The following SULT1E1 variants were observed in gnomAD, a reference collection of about 807,000 sequenced individuals.
SULT1E1 encodes sulfotransferase 1E1.
Under a neutral mutation model 33.6 loss-of-function variants are expected in SULT1E1, and 36 were observed. That is an observed-to-expected ratio of 1.07 (90% confidence interval 0.82 to 1.41). The LOEUF is 1.41. Among genes scored for constraint, SULT1E1 ranks in the 40% most tolerant of loss-of-function variants. The probability of loss-of-function intolerance (pLI) is 0.00; values close to 1 mark genes in which losing one functional copy is unlikely to be tolerated. For missense variants in SULT1E1, 371 were observed against 345.7 expected, an observed-to-expected ratio of 1.07 and a Z score of -0.58; for synonymous variants, 121 against 111.7, an observed-to-expected ratio of 1.08 and a Z score of -0.53.
the SULT1E1 span, among the ~76,000 whole-genome samples, chr4:69,826,785 A>G: frequency 6.6e-6 from 1 of 152,148 alleles, no homozygotes; most frequent in Admixed American, 6.5e-5. Context: ...AGGGAAGGCA[A>G]ATGGAGCAAA....
intron 4 of SULT1E1, among the ~76,000 whole-genome samples, chr4:69,853,147 T>A (rs945147077): frequency 6.6e-6 from 1 of 152,070 alleles, no homozygotes; most frequent in South Asian, 2.1e-4. Flanking sequence ...CTGGGATATA[T>A]CCCCTTTTTG....
chr4:69,857,579 A>G lies in SULT1E1; in HGVS notation c.66T>C (p.Asp22=). The G allele has an allele frequency of 6.2e-7, 1 of 1,613,458 alleles. No individual in the cohort carries two copies. Among genetic ancestry groups the G allele is most frequent in the Middle Eastern group, 1.7e-4 (1 of 6,050 alleles). Residue 22 remains aspartate, a synonymous_variant, in exon 2 of 8, where the codon GAT becomes GAC. Coordinates refer to ENST00000226444, the MANE Select transcript of SULT1E1 (RefSeq NM_005420.3). ...CCACATTATCCCAATATTTGACAAA[A>G]TCTTTATACATTAGAATCCCATGGA... ...EEVHGILMYK[D]FVKYWDNVEA... is the part of the protein sequence containing the mutation.
downstream of SULT1E1, chr4:69,838,539 G>A (rs1044327350): frequency 1.3e-5 from 2 of 152,172 alleles, no homozygotes; most frequent in Non-Finnish European, 2.9e-5. Flanking sequence ...CTTTTATGAC[G>A]CTGTACTTTT....
chr4:69,842,762 G>A (rs1189018727), intron 7 of SULT1E1, among the ~76,000 whole-genome samples: 1 of 151,866 alleles, frequency 6.6e-6, no homozygotes, highest in African/African-American at 2.4e-5. Flanking sequence ...AATTATAATA[G>A]TCCAGCAGGC....
chr4:69,854,281 C>A lies in SULT1E1; in HGVS notation c.305G>T (p.Arg102Ile). ...AGGTGGCAAATGAGTCTTCACAATT[C>A]TAGGAGAATTCATCTCATCTAATTG... ...VKQLDEMNSP[R>I]IVKTHLPPEL... The change falls in exon 4 of 8, where the codon AGA becomes ATA. Residue 102 changes from arginine to isoleucine, a missense_variant. By Grantham distance (97) the Arg-to-Ile change is moderately conservative. Coordinates refer to ENST00000226444, the MANE Select transcript of SULT1E1 (RefSeq NM_005420.3). The A allele has an allele frequency of 6.2e-7, 1 of 1,611,548 alleles. No homozygotes were observed. Among genetic ancestry groups the A allele is most frequent in the Non-Finnish European group, 8.5e-7 (1 of 1,178,438 alleles).
rs773693115 is a variant in SULT1E1, at chr4:69,842,147, A to C, written c.773-41T>G. The C allele has an allele frequency of 2.6e-6, 3 of 1,156,172 alleles. No individual in the cohort carries two copies. In the South Asian group the frequency reaches 3.9e-5, roughly 15 times the overall value. The allele number at this position is 1,156,172 out of a possible 1,614,324, so 71.6% of individuals were successfully genotyped here. On this transcript the variant is annotated intron_variant, in intron 7 of 7. Coordinates refer to ENST00000226444, the MANE Select transcript of SULT1E1 (RefSeq NM_005420.3). ...AAGCTCAATAAATATTAAGTCTTCC[A>C]AAAAGAATCATTAGGTTTGCTAATT...
downstream of SULT1E1, chr4:69,841,138 C>T (rs1187827175): frequency 1.3e-5 from 2 of 152,076 alleles, no homozygotes; most frequent in Admixed American, 6.6e-5. Flanking sequence ...TTCTTTCTTC[C>T]AGAGTCTTCA....
At chr4:69,825,328 C>A in the SULT1E1 span, among the ~76,000 whole-genome samples, 1 of 152,130 alleles carries the variant, frequency 6.6e-6, no homozygotes, top group Non-Finnish European at 1.5e-5. Context: ...ACACTCACCG[C>A]GAGGGTCTGT....
downstream of SULT1E1, among the ~76,000 whole-genome samples, chr4:69,838,790 T>C (rs1426281558): frequency 3.3e-5 from 5 of 152,168 alleles, no homozygotes; most frequent in Admixed American, 1.3e-4. Flanking sequence ...AAAAGGGGAA[T>C]TACCTGGCTG....
chr4:69,853,730 A>G (rs1721173476), intron 4 of SULT1E1, among the ~76,000 whole-genome samples: 1 of 152,156 alleles, frequency 6.6e-6, no homozygotes, highest in African/African-American at 2.4e-5. Flanking sequence ...TAGGCACTCA[A>G]TACATAGTTA....
intron 5 of SULT1E1, among the ~76,000 whole-genome samples, chr4:69,848,880 T>A (rs1319804524): frequency 1.3e-5 from 2 of 151,874 alleles, no homozygotes; most frequent in African/African-American, 4.8e-5. Context: ...AACGAAAAAT[T>A]TTCCAGAATA....
chr4:69,852,681 T>C lies in SULT1E1; in HGVS notation c.369+1536A>G, dbSNP rs547452859. The stretch of plus-strand genomic sequence containing the variant: ...ATAAAGGATATTTACAAATATCCTG[T>C]ATCTATTTGTTTTATTTTGTTGTTG... On this transcript the variant is annotated intron_variant, in intron 4 of 7. Coordinates refer to ENST00000226444, the MANE Select transcript of SULT1E1 (RefSeq NM_005420.3). Among the ~76,000 whole-genome samples the C allele has an allele frequency of 2.2e-4, 33 of 152,344 alleles. 1 individual carries two copies. Among genetic ancestry groups the C allele is most frequent in the African/African-American group, 6.7e-4 (28 of 41,582 alleles).
chr4:69,825,470 C>T, the SULT1E1 span, among the ~76,000 whole-genome samples: 1 of 152,098 alleles, frequency 6.6e-6, no homozygotes, highest in African/African-American at 2.4e-5. Context: ...GCTATTCTGT[C>T]CTATTTTTCC....
the SULT1E1 span, among the ~76,000 whole-genome samples, chr4:69,822,419 C>A: frequency 0.24 from 37,130 of 151,900 alleles, 5,658 homozygotes; most frequent in South Asian, 0.43. Context: ...CCAGCCTGGG[C>A]AGCATAGCAA....
chr4:69,832,219 C>A, the SULT1E1 span, among the ~76,000 whole-genome samples: 2 of 152,102 alleles, frequency 1.3e-5, no homozygotes, highest in South Asian at 2.1e-4. Flanking sequence ...AGGGGAGGGG[C>A]GCCGGAGAAG....
rs1334143781 is a variant in SULT1E1 at position 69,849,551 on chromosome 4, A to C, written c.382T>G (p.Cys128Gly). 1 of 1,605,964 alleles carries C rather than the reference A, an allele frequency of 6.2e-7. No individual in the cohort carries two copies. Among genetic ancestry groups the C allele is most frequent in the Admixed American group, 1.7e-5 (1 of 58,444 alleles). ...WEKDCKIIYL[C>G]RNAKDVAVSF... The stretch of plus-strand genomic sequence containing the variant: ...ACAGCCACATCCTTTGCATTCCGGC[A>C]AAGATAGATTATCTAAGAGGATGAA... The change falls in exon 5 of 8, where the codon TGC (cysteine) becomes GGC (glycine). Residue 128 changes from cysteine (C) to glycine (G), a missense_variant. Coordinates refer to ENST00000226444, the MANE Select transcript of SULT1E1 (RefSeq NM_005420.3).
rs761102787 is a variant in SULT1E1, at chr4:69,847,751, C to A, written c.538G>T (p.Glu180Ter). ...SWYKHVKSWWEKGKSPRVLFL... is the reference protein window; with the variant it reads ...SWYKHVKSWW ...AGTACACGTGGACTCTTTCCCTTTT[C>A]CCACCAAGATTTTACATGTTTATAC... The change falls in exon 6 of 8, where the codon GAA becomes TAA. Residue 180 changes from glutamate to a stop codon, truncating the protein, a stop_gained. Coordinates refer to ENST00000226444, the MANE Select transcript of SULT1E1 (RefSeq NM_005420.3). LOFTEE classifies it high-confidence loss of function. The A allele has an allele frequency of 3.1e-6, 5 of 1,609,136 alleles. No individual in the cohort carries two copies. Among genetic ancestry groups the A allele is most frequent in the Non-Finnish European group, 4.2e-6 (5 of 1,176,878 alleles).
At chr4:69,852,043 C>T (rs1165412197) in intron 4 of SULT1E1, among the ~76,000 whole-genome samples, 1 of 152,030 alleles carries the variant, frequency 6.6e-6, no homozygotes, top group Non-Finnish European at 1.5e-5. Context: ...TTAATGGGTG[C>T]AGGATACCAA....
At chr4:69,837,196 A>C (rs982805411), downstream of SULT1E1, among the ~76,000 whole-genome samples, 3 of 152,076 alleles carry the variant, frequency 2.0e-5, no homozygotes, top group Non-Finnish European at 4.4e-5. Context: ...TCCATGTGTG[A>C]TTTTTGGATA....
Sources: allele counts gnomAD v4.1 joint callset (sites outside exome capture counted in the v4.1 genomes callset), GRCh38; gene constraint gnomAD v4.1.1; transcripts MANE v1.5; gene names NCBI Gene and HGNC (gene_info 2026-07-23, HGNC 2026-07-21).